The following NRXN3 variants were observed in gnomAD, a reference collection of about 807,000 sequenced individuals.
NRXN3 encodes neurexin III.
NRXN3 carries 32 observed loss-of-function variants against 137.6 expected under a neutral mutation model. The ratio of observed to expected loss-of-function variants is 0.23; its 90% confidence interval spans 0.18 to 0.31. NRXN3 has a LOEUF of 0.31. Among genes scored for constraint, NRXN3 ranks in the 10% least tolerant of loss-of-function variants. The pLI, the probability that NRXN3 is intolerant of heterozygous loss-of-function variation, is 1.00. For missense variants in NRXN3, 1,574 were observed against 2,062.5 expected (o/e 0.76, Z 4.59); for synonymous variants, 798 against 784.5 (o/e 1.02, Z -0.29).
rs1271341154 is a variant in NRXN3, at chr14:79,569,502, T to C, written c.3445-94276T>C. Reference sequence around the variant, plus strand: ...CAGGCTCTGGGCTTAAGTTTTGACTTAAGTTTAGAAATTGAGTAGTTCCCA... The same window carrying C: ...CAGGCTCTGGGCTTAAGTTTTGACTCAAGTTTAGAAATTGAGTAGTTCCCA... On this transcript the variant is annotated intron_variant, in intron 16 of 20. Coordinates refer to ENST00000335750, the MANE Select transcript of NRXN3 (RefSeq NM_001330195.2). 1.3e-5 allele frequency among the ~76,000 whole-genome samples: 2 copies of C among 152,116 alleles called. 1 individual carries two copies. Among genetic ancestry groups the C allele is most frequent in the East Asian group, 3.9e-4 (2 of 5,186 alleles).
At chr14:78,396,205 C>T (rs935749785) in intron 4 of NRXN3, among the ~76,000 whole-genome samples, 3 of 152,046 alleles carry the variant, frequency 2.0e-5, no homozygotes, top group South Asian at 2.1e-4. Flanking sequence ...CAATCATAGT[C>T]TACTAGTCTC....
intron 4 of NRXN3, among the ~76,000 whole-genome samples, chr14:78,384,115 C>G (rs1598056646): frequency 6.6e-6 from 1 of 152,152 alleles, no homozygotes; most frequent in Non-Finnish European, 1.5e-5. Flanking sequence ...CCCAGAGGAG[C>G]AGGTGTTGAA....
intron 15 of NRXN3, among the ~76,000 whole-genome samples, chr14:79,095,296 T>A (rs1402792765): frequency 6.6e-6 from 1 of 152,182 alleles, no homozygotes; most frequent in Non-Finnish European, 1.5e-5. Context: ...ATTTAGCACT[T>A]GAATCTATAA....
chr14:78,502,670 C>A (rs1312442353), intron 4 of NRXN3, among the ~76,000 whole-genome samples: 1 of 152,078 alleles, frequency 6.6e-6, no homozygotes, highest in African/African-American at 2.4e-5. Flanking sequence ...CTAAATGGAC[C>A]CAATTTTACC....
intron 16 of NRXN3, among the ~76,000 whole-genome samples, chr14:79,541,412 A>G (rs1215951406): frequency 6.6e-6 from 1 of 152,214 alleles, no homozygotes; most frequent in Non-Finnish European, 1.5e-5. Context: ...TCAAAAAAAA[A>G]GATACTTGCC....
intron 19 of NRXN3, among the ~76,000 whole-genome samples, chr14:79,774,933 A>G (rs2099091873): frequency 6.6e-6 from 1 of 151,866 alleles, no homozygotes; most frequent in East Asian, 1.9e-4. Context: ...AGTATGATAT[A>G]TATATAGTAT....
intron 15 of NRXN3, among the ~76,000 whole-genome samples, chr14:79,316,980 C>T (rs2088901126): frequency 6.6e-6 from 1 of 152,040 alleles, no homozygotes; most frequent in African/African-American, 2.4e-5. Flanking sequence ...CCTGTAATCC[C>T]AGCACTTTGG....
At chr14:79,038,514 A>G (rs186560453) in intron 15 of NRXN3, among the ~76,000 whole-genome samples, 18 of 152,160 alleles carry the variant, frequency 1.2e-4, no homozygotes, top group African/African-American at 3.9e-4. Context: ...TAGGACCAAA[A>G]TTTTTTCAGC....
chr14:79,718,688 T>G (rs879341255), intron 19 of NRXN3, among the ~76,000 whole-genome samples: 2 of 151,146 alleles, frequency 1.3e-5, no homozygotes, highest in Non-Finnish European at 3.0e-5. Flanking sequence ...ATCTCAAAAC[T>G]TTAAAGCCCT....
chr14:78,219,178 C>T (rs868107507), intron 1 of NRXN3, among the ~76,000 whole-genome samples: 2 of 152,176 alleles, frequency 1.3e-5, no homozygotes, highest in African/African-American at 4.8e-5. Flanking sequence ...CAGTTCAGCC[C>T]CCAACAATTC....
rs1022023057 is a variant in NRXN3 at position 78,880,000 on chromosome 14, G to A, written c.2275+69656G>A. 3.2e-4 allele frequency among the ~76,000 whole-genome samples: 48 copies of A among 150,852 alleles called. 2 individuals carry two copies. The highest frequency in any genetic ancestry group is 7.4e-5 in the Non-Finnish European group (5 of 67,998). ...CACGCCTGTAATCCCAGCACTTTGG[G>A]AGGCCGAGGCGGGCGGATCACGAGG... On this transcript the variant is annotated intron_variant, in intron 10 of 20. Transcript: ENST00000335750.
intron 10 of NRXN3, among the ~76,000 whole-genome samples, chr14:78,871,544 T>C (rs2099101379): frequency 6.6e-6 from 1 of 152,106 alleles, no homozygotes; most frequent in African/African-American, 2.4e-5. Flanking sequence ...TGCTACACTG[T>C]TGGTTCTCTT....
chr14:78,794,300 T>C (rs1420362243), intron 8 of NRXN3, among the ~76,000 whole-genome samples: 1 of 152,196 alleles, frequency 6.6e-6, no homozygotes, highest in Non-Finnish European at 1.5e-5. Flanking sequence ...AAGAATTGCT[T>C]GAACCTGGGA....
At chr14:79,831,422 G>C (rs553822668) in intron 20 of NRXN3, among the ~76,000 whole-genome samples, 2 of 152,156 alleles carry the variant, frequency 1.3e-5, no homozygotes, top group African/African-American at 4.8e-5. Flanking sequence ...TTAGACAAAG[G>C]CTTGACGATT....
At chr14:79,163,367 A>G (rs907339226) in intron 15 of NRXN3, among the ~76,000 whole-genome samples, 14 of 152,038 alleles carry the variant, frequency 9.2e-5, no homozygotes, top group Non-Finnish European at 1.9e-4. Context: ...AATTCCTTCT[A>G]TGAGAAAGGA....
intron 15 of NRXN3, among the ~76,000 whole-genome samples, chr14:79,386,840 A>G (rs74705884): frequency 0.32 from 48,971 of 151,904 alleles, 8,371 homozygotes; most frequent in Middle Eastern, 0.55. Flanking sequence ...TGAGAAAAAC[A>G]AGCAATGGGG....
rs541796765 is a variant in NRXN3, at chr14:78,588,200, G to T, written c.758-56920G>T. ...CTTCTGATCATGTCATAGTTGTCTT[G>T]AATAACTGAATAGCTGATGTTTTGA... On this transcript the variant is annotated intron_variant, in intron 4 of 20. Transcript: ENST00000335750. Among the ~76,000 whole-genome samples, 5 of 152,222 alleles carry T rather than the reference G, an allele frequency of 3.3e-5. No individual in the cohort carries two copies. The South Asian group carries it at 1.0e-3, about 32-fold the overall frequency.
intron 19 of NRXN3, among the ~76,000 whole-genome samples, chr14:79,701,622 G>A (rs76597828): frequency 0.013 from 1,939 of 152,122 alleles, 39 homozygotes; most frequent in African/African-American, 0.045. Flanking sequence ...GGAAGTAGAG[G>A]GTGCCAGTTT....
chr14:78,210,528 C>A (rs1398599511), intron 1 of NRXN3, among the ~76,000 whole-genome samples: 2 of 152,124 alleles, frequency 1.3e-5, no homozygotes, highest in Non-Finnish European at 2.9e-5. Flanking sequence ...GAGGTGTAAG[C>A]CATGTACAAT....
Sources: gnomAD v4.1 joint callset for allele counts (sites outside exome capture counted in the v4.1 genomes callset) on GRCh38, gnomAD v4.1.1 for gene constraint, MANE v1.5 for transcripts, NCBI Gene and HGNC (gene_info 2026-07-23, HGNC 2026-07-21) for gene names.